The following TLK1 variants were observed in gnomAD, a reference collection of about 807,000 sequenced individuals.
TLK1 encodes the protein serine/threonine-protein kinase tousled-like 1.
A neutral mutation model predicts 105.3 loss-of-function variants in TLK1; 24 were observed. The observed-to-expected ratio is 0.23, with a 90% CI of 0.17 to 0.32. TLK1 has a LOEUF of 0.32. Ranked by LOEUF, TLK1 falls within the 10% of genes least tolerant of loss-of-function variation. The probability of loss-of-function intolerance (pLI) is 1.00; values close to 1 mark genes in which losing one functional copy is unlikely to be tolerated. For missense variants in TLK1, 558 were observed against 910.5 expected (o/e 0.61, Z 4.98); for synonymous variants, 321 against 310.4 (o/e 1.03, Z -0.36).
chr2:171,092,535 T>C (rs576206341), intron 2 of TLK1, among the ~76,000 whole-genome samples: 3 of 152,242 alleles, frequency 2.0e-5, no homozygotes, highest in Non-Finnish European at 4.4e-5. Flanking sequence ...AGTTCACTAA[T>C]ATCCCAAAAT....
At chr2:170,996,534 C>CAG in intron 20 of TLK1, 119 bp downstream of exon 20, 1 of 724,460 alleles carries the variant, frequency 1.4e-6, no homozygotes, top group Non-Finnish European at 2.3e-6. Context: ...CCCTGCTGGA[C>CAG]AGATCCCCTG....
chr2:171,219,860 C>CA, intron 1 of TLK1, among the ~76,000 whole-genome samples: 1 of 152,298 alleles, frequency 6.6e-6, no homozygotes, highest in South Asian at 2.1e-4. Flanking sequence ...CTCGGCTTCC[C>CA]AAAGTGCTGG....
chr2:171,031,021 A>AC (rs1439060507), intron 11 of TLK1, among the ~76,000 whole-genome samples: 1 of 151,424 alleles, frequency 6.6e-6, no homozygotes, highest in African/African-American at 2.4e-5. Context: ...ACAATCATAA[A>AC]AAAAAAAAAA....
At chr2:171,201,898 C>CATCTATCTATCT (rs3081728) in intron 1 of TLK1, among the ~76,000 whole-genome samples, 337 of 148,294 alleles carry the variant, frequency 2.3e-3, no homozygotes, top group Middle Eastern at 0.01. Context: ...TATCAGCTAT[C>CATCTATCTATCT]ATCTATCTAT....
At chr2:171,201,034 A>C (rs900963686) in intron 1 of TLK1, among the ~76,000 whole-genome samples, 2 of 152,036 alleles carry the variant, frequency 1.3e-5, no homozygotes, top group African/African-American at 4.8e-5. Flanking sequence ...GGTGCATGCT[A>C]ACATGCCCAG....
At chr2:170,994,050 AC>A (rs1362635255) in intron 20 of TLK1, 94 bp from the exon 21 acceptor site, 8 of 1,301,758 alleles carry the variant, frequency 6.1e-6, no homozygotes, top group Non-Finnish European at 8.1e-6. Context: ...CACATTTAAG[AC>A]ATAAGTAGAT....
intron 1 of TLK1, among the ~76,000 whole-genome samples, chr2:171,176,241 G>T (rs1692822065): frequency 6.6e-6 from 1 of 152,036 alleles, no homozygotes; most frequent in African/African-American, 2.4e-5. Flanking sequence ...TGCCCGGCCG[G>T]GATATCAAGG....
chr2:171,051,537 G>C (rs1471988139), intron 8 of TLK1, among the ~76,000 whole-genome samples: 1 of 152,112 alleles, frequency 6.6e-6, no homozygotes, highest in African/African-American at 2.4e-5. Context: ...ATTGAACCTT[G>C]ATGTGACCTT....
Position 170,993,667 on chromosome 2 carries a change from G to A in TLK1, c.*113C>T, listed in dbSNP as rs1321818642. On this transcript the variant is annotated 3_prime_UTR_variant, in exon 21 of 21. Coordinates refer to ENST00000431350, the MANE Select transcript of TLK1 (RefSeq NM_012290.5). ...CAAACAGTTCTTAACCACGTCTTGT[G>A]TAAAAAAAAAAAAAAAAAAAAAAGA... 1 of 497,204 alleles carries A rather than the reference G, an allele frequency of 2.0e-6. No homozygotes were observed. The highest frequency in any genetic ancestry group is 2.8e-6 in the Non-Finnish European group (1 of 356,052). The allele number at this position is 497,204 out of a possible 1,614,324, so 30.8% of individuals were successfully genotyped here.
In TLK1 at chr2:171,160,241, G is replaced by C. The variant is rs767298541; in HGVS notation, c.139+49C>G. ...GCGGGGGGGGGGCGCGGGGGTCCGCGGCGCGGGAGAGGAGGCCCGCGAGCG... is the reference window on the plus strand; with the variant it reads ...GCGGGGGGGGGGCGCGGGGGTCCGCCGCGCGGGAGAGGAGGCCCGCGAGCG... On this transcript the variant is annotated intron_variant, in intron 1 of 20. Transcript: ENST00000431350. The surrounding 1 kb of genome is among the most constrained non-coding windows in gnomAD (Gnocchi z 4.4). 3 of 1,339,582 alleles carry C rather than the reference G, an allele frequency of 2.2e-6. No homozygotes were observed. The highest frequency in any genetic ancestry group is 4.0e-5 in the Admixed American group (1 of 24,716). The allele number at this position is 1,339,582 out of a possible 1,614,324, so 83.0% of individuals were successfully genotyped here.
chr2:171,174,957 T>C (rs1372540288), intron 1 of TLK1, among the ~76,000 whole-genome samples: 2 of 152,166 alleles, frequency 1.3e-5, no homozygotes, highest in Non-Finnish European at 1.5e-5. Flanking sequence ...GTAAGTACAA[T>C]CAAGGCTGGG....
chr2:171,012,399 T>G (rs1007443718), intron 13 of TLK1, among the ~76,000 whole-genome samples: 3 of 152,218 alleles, frequency 2.0e-5, no homozygotes, highest in African/African-American at 7.2e-5. Context: ...AAGGCAGGAC[T>G]TAGCAGAAAA....
At chr2:171,161,456 A>T (rs1692497080), upstream of TLK1, among the ~76,000 whole-genome samples, 1 of 152,176 alleles carries the variant, frequency 6.6e-6, no homozygotes, top group Admixed American at 6.5e-5. Context: ...GGGAATAATG[A>T]CCGAATAAAA....
At chr2:171,106,641 T>C (rs1689938612) in intron 2 of TLK1, among the ~76,000 whole-genome samples, 2 of 152,216 alleles carry the variant, frequency 1.3e-5, no homozygotes, top group Non-Finnish European at 2.9e-5. Context: ...CCCTCTCTGC[T>C]AGAGCACCGT....
intron 1 of TLK1, among the ~76,000 whole-genome samples, chr2:171,227,598 T>TTTTTC (rs1693926116): frequency 9.6e-6 from 1 of 104,152 alleles, no homozygotes; most frequent in Non-Finnish European, 1.9e-5. Context: ...TTTTTTTTTT[T>TTTTTC]GTTTAAGCCA....
At chr2:171,024,805 A>G (rs1207775681) in intron 12 of TLK1, among the ~76,000 whole-genome samples, 1 of 152,224 alleles carries the variant, frequency 6.6e-6, no homozygotes, top group Non-Finnish European at 1.5e-5. Context: ...ATAAAAAGTA[A>G]TATGTAATTC....
intron 1 of TLK1, among the ~76,000 whole-genome samples, chr2:171,143,826 G>A (rs1691688264): frequency 6.6e-6 from 1 of 151,902 alleles, no homozygotes; most frequent in African/African-American, 2.4e-5. Context: ...AAACAAAGTG[G>A]CAGACAAATT....
chr2:171,025,485 G>T (rs1391323949), intron 12 of TLK1, among the ~76,000 whole-genome samples: 1 of 152,196 alleles, frequency 6.6e-6, no homozygotes, highest in African/African-American at 2.4e-5. Context: ...CCATGCTAAT[G>T]CAAGAGTATG....
chr2:171,143,681 T>C (rs1691682006), intron 1 of TLK1, among the ~76,000 whole-genome samples: 1 of 151,676 alleles, frequency 6.6e-6, no homozygotes, highest in Admixed American at 6.6e-5. Context: ...CCTACAGTAA[T>C]CACTAGTAAT....
Sources: allele counts gnomAD v4.1 joint callset (sites outside exome capture counted in the v4.1 genomes callset), GRCh38; gene constraint gnomAD v4.1.1; non-coding constraint Gnocchi (gnomAD v3.1); transcripts MANE v1.5; gene names NCBI Gene and HGNC (gene_info 2026-07-23, HGNC 2026-07-21).